Variants in CNTN6 observed in about 807,000 individuals in gnomAD.
CNTN6 encodes contactin-6.
CNTN6 carries 137 observed loss-of-function variants against 122.8 expected under a neutral mutation model. That is an observed-to-expected ratio of 1.12 (90% CI 0.97 to 1.29). CNTN6 has a LOEUF of 1.29. CNTN6 is among the 50% of genes most tolerant of loss of function. CNTN6 has a pLI of 0.00. For missense variants in CNTN6, 1,634 were observed against 1,223.4 expected, an observed-to-expected ratio of 1.34 and a Z score of -5.01; for synonymous variants, 570 against 426.0, an observed-to-expected ratio of 1.34 and a Z score of -4.16.
At chr3:1,370,901 G>A (rs1464436171) in intron 12 of CNTN6, among the ~76,000 whole-genome samples, 1 of 151,834 alleles carries the variant, frequency 6.6e-6, no homozygotes, top group Admixed American at 6.6e-5. Flanking sequence ...TATAAATATG[G>A]AAAGTATTTT....
intron 9 of CNTN6, among the ~76,000 whole-genome samples, chr3:1,326,871 T>C (rs962156951): frequency 2.6e-5 from 4 of 151,900 alleles, no homozygotes; most frequent in African/African-American, 9.7e-5. Flanking sequence ...TAGTCTTAAG[T>C]TATATTTGTA....
At chr3:1,171,878 A>G (rs1418319027) in intron 2 of CNTN6, among the ~76,000 whole-genome samples, 1 of 152,182 alleles carries the variant, frequency 6.6e-6, no homozygotes, top group Non-Finnish European at 1.5e-5. Flanking sequence ...AAGTGCTCGC[A>G]TTACAGGCGT....
chr3:1,194,375 CTG>C (rs894877785), intron 2 of CNTN6, among the ~76,000 whole-genome samples: 10 of 152,200 alleles, frequency 6.6e-5, no homozygotes, highest in Admixed American at 3.3e-4. Context: ...ACTTGGGAGA[CTG>C]GGTTTTCTTA....
intron 20 of CNTN6, among the ~76,000 whole-genome samples, chr3:1,399,483 G>C (rs961189060): frequency 6.6e-5 from 10 of 152,016 alleles, no homozygotes; most frequent in African/African-American, 2.4e-4. Flanking sequence ...TTTAATTATG[G>C]GTTTATATTG....
chr3:1,131,501 C>T (rs528521052), intron 1 of CNTN6, among the ~76,000 whole-genome samples: 1 of 152,108 alleles, frequency 6.6e-6, no homozygotes, highest in Non-Finnish European at 1.5e-5. Flanking sequence ...CAAATTAAAC[C>T]CCTATTTTGA....
intron 7 of CNTN6, among the ~76,000 whole-genome samples, chr3:1,317,708 A>G (rs933938076): frequency 6.6e-6 from 1 of 151,576 alleles, no homozygotes; most frequent in Admixed American, 6.6e-5. Flanking sequence ...AACTGAATCT[A>G]ATTGTCTCTG....
At chr3:1,126,704 G>A (rs1332163528) in intron 1 of CNTN6, among the ~76,000 whole-genome samples, 1 of 151,824 alleles carries the variant, frequency 6.6e-6, no homozygotes. Flanking sequence ...CTTGGCTGCA[G>A]ACACCACATT....
intron 7 of CNTN6, among the ~76,000 whole-genome samples, chr3:1,315,160 C>A (rs938768995): frequency 2.0e-5 from 3 of 151,724 alleles, no homozygotes; most frequent in African/African-American, 7.3e-5. Flanking sequence ...ATTCTGAAGA[C>A]CCCTTCAAAG....
intron 1 of CNTN6, among the ~76,000 whole-genome samples, chr3:1,132,086 G>A (rs532987884): frequency 3.9e-5 from 6 of 152,128 alleles, no homozygotes; most frequent in South Asian, 2.1e-4. Flanking sequence ...ATTTATATGC[G>A]TACATCCTCT....
At chr3:1,100,134 A>G (rs1282367636) in intron 1 of CNTN6, among the ~76,000 whole-genome samples, 3 of 151,966 alleles carry the variant, frequency 2.0e-5, no homozygotes, top group African/African-American at 7.2e-5. Flanking sequence ...TATTCTTGCT[A>G]TTTATGTGCA....
chr3:1,217,437 T>G (rs548604417), intron 2 of CNTN6, among the ~76,000 whole-genome samples: 4 of 152,360 alleles, frequency 2.6e-5, no homozygotes, highest in Admixed American at 2.6e-4. Flanking sequence ...TAATTTCTTT[T>G]ATTTCCCTTT....
At chr3:1,243,015 G>A (rs566198004) in intron 4 of CNTN6, among the ~76,000 whole-genome samples, 2 of 152,216 alleles carry the variant, frequency 1.3e-5, no homozygotes, top group Admixed American at 1.3e-4. Flanking sequence ...GTTACCCAAA[G>A]CTCGGCGTCC....
chr3:1,218,121 G>T (rs1364575255), intron 2 of CNTN6, among the ~76,000 whole-genome samples: 1 of 152,124 alleles, frequency 6.6e-6, no homozygotes. Context: ...CAGGGCAGGG[G>T]TTAGGACAGT....
intron 2 of CNTN6, among the ~76,000 whole-genome samples, chr3:1,200,683 T>C (rs535174725): frequency 1.0e-3 from 155 of 152,268 alleles, no homozygotes; most frequent in Non-Finnish European, 1.7e-3. Flanking sequence ...AAATTGTAAA[T>C]GTGATCACAG....
chr3:1,303,497 C>A (rs1228030536), intron 7 of CNTN6, among the ~76,000 whole-genome samples: 2 of 152,152 alleles, frequency 1.3e-5, no homozygotes, highest in Non-Finnish European at 2.9e-5. Context: ...TTGCTTTTAT[C>A]TCCACTCTTG....
Position 1,377,071 on chromosome 3 carries a change from G to A in CNTN6, c.2162G>A (p.Trp721Ter). Residue 721 changes from tryptophan to a stop codon, truncating the protein, a stop_gained, in exon 17 of 23, where the codon TGG (tryptophan) becomes TAG (stop). Coordinates refer to ENST00000446702, the MANE Select transcript of CNTN6 (RefSeq NM_001289080.2). LOFTEE classifies it high-confidence loss of function. ...GGSRSELVIT[W>*]ESIPEELQNG... The stretch of plus-strand genomic sequence containing the variant: ...AGTCGGTCTGAACTCGTCATTACGT[G>A]GGAGGTAATTTTCTGTCCAACTGAG... The A allele has an allele frequency of 6.3e-7, 1 of 1,591,708 alleles. No individual in the cohort carries two copies. The highest frequency in any genetic ancestry group is 8.6e-7 in the Non-Finnish European group (1 of 1,166,990).
intron 1 of CNTN6, among the ~76,000 whole-genome samples, chr3:1,119,828 T>G (rs947596474): frequency 6.6e-6 from 1 of 152,054 alleles, no homozygotes; most frequent in Admixed American, 6.6e-5. Flanking sequence ...TTCCTCCCTA[T>G]CAAAATACAG....
In CNTN6 at chr3:1,320,290, A is replaced by G. The variant is rs1323154604; in HGVS notation, c.762-1360A>G. Among the ~76,000 whole-genome samples the G allele has an allele frequency of 1.3e-5, 2 of 151,864 alleles. 1 individual carries two copies. Among genetic ancestry groups the G allele is most frequent in the South Asian group, 4.1e-4 (2 of 4,828 alleles). ...TTGATTTAGGGCACATTTTCTGACA[A>G]ATATGTTTGAGTGCATATGATTTTT... On this transcript the variant is annotated intron_variant, in intron 7 of 22. Transcript: ENST00000446702.
chr3:1,386,812 G>C (rs972865052), intron 20 of CNTN6, among the ~76,000 whole-genome samples: 1 of 144,812 alleles, frequency 6.9e-6, no homozygotes, highest in Non-Finnish European at 1.5e-5. Flanking sequence ...ACCTATACAT[G>C]CCGTAGTCTA....
Sources: allele counts gnomAD v4.1 joint callset (sites outside exome capture counted in the v4.1 genomes callset), GRCh38; gene constraint gnomAD v4.1.1; transcripts MANE v1.5; gene names NCBI Gene and HGNC (gene_info 2026-07-23, HGNC 2026-07-21).